The following EMC3 variants were observed in gnomAD, a reference collection of about 807,000 sequenced individuals.
EMC3 encodes 30 kDa protein.
EMC3 carries 13 observed loss-of-function variants against 36.6 expected under a neutral mutation model. That is an observed-to-expected ratio of 0.35 (90% CI 0.23 to 0.56). The LOEUF is 0.56. EMC3 is among the 20% of genes least tolerant of loss of function. The pLI is 0.84. For synonymous variants in EMC3, 120 were observed against 111.9 expected, an observed-to-expected ratio of 1.07 and a Z score of -0.46; for missense variants, 220 against 324.5, an observed-to-expected ratio of 0.68 and a Z score of 2.47.
intron 5 of EMC3, 31 bp downstream of exon 5, chr3:9,973,597 G>C (rs1211777029): frequency 6.3e-7 from 1 of 1,596,294 alleles, no homozygotes; most frequent in East Asian, 2.2e-5. Context: ...AGTGTGGTTT[G>C]TGTTTTTATT....
chr3:10,008,113 C>T lies in EMC3; in HGVS notation c.-242+2910G>A, dbSNP rs191847206. Among the ~76,000 whole-genome samples the T allele has an allele frequency of 5.3e-5, 8 of 152,308 alleles. No individual in the cohort carries two copies. In the East Asian group the frequency reaches 1.4e-3, roughly 26 times the overall value. Reference sequence around the variant, plus strand: ...CCCAGAAAGAGGGCCCCTGTGGGTTCTGCTTGAGCTCCCCAAGGGCCCATC... The same window carrying T: ...CCCAGAAAGAGGGCCCCTGTGGGTTTTGCTTGAGCTCCCCAAGGGCCCATC... On this transcript the variant is annotated intron_variant, in intron 1 of 8. Transcript: ENST00000470827.
intron 1 of EMC3, among the ~76,000 whole-genome samples, chr3:10,005,729 A>G (rs1010642902): frequency 6.6e-6 from 1 of 152,116 alleles, no homozygotes; most frequent in Non-Finnish European, 1.5e-5. Flanking sequence ...ACCCCAAACA[A>G]TCCAGCTCAT....
intron 1 of EMC3, chr3:10,003,533 C>T (rs2086229058): frequency 2.0e-5 from 6 of 299,438 alleles, no homozygotes; most frequent in South Asian, 1.9e-4. Context: ...ACCAGGAGCT[C>T]CAGAACTGTA....
chr3:9,979,093 T>C (rs1362995505), intron 1 of EMC3, among the ~76,000 whole-genome samples: 1 of 152,226 alleles, frequency 6.6e-6, no homozygotes, highest in African/African-American at 2.4e-5. Flanking sequence ...GAATTCTCTC[T>C]GCTTCCTCCT....
chr3:9,986,415 G>A (rs1411970344), intron 1 of EMC3, 92 bp downstream of exon 1: 5 of 1,479,344 alleles, frequency 3.4e-6, no homozygotes, highest in Non-Finnish European at 4.6e-6. Flanking sequence ...GAGGGGGCGC[G>A]ACGTGAACCT....
In EMC3 at chr3:10,000,100, C is replaced by G. The variant is rs139532338; in HGVS notation, c.-242+10923G>C. Among the ~76,000 whole-genome samples the G allele has an allele frequency of 1.1e-3, 171 of 152,004 alleles. 1 individual carries two copies. The East Asian group carries it at 0.029, about 26-fold the overall frequency. On this transcript the variant is annotated intron_variant, in intron 1 of 8. Transcript: ENST00000470827. ...TCATTCTGGCTGGAGTGCAGTGGCG[C>G]GATCTTGGTTCACTGCAATGCACCT...
intron 7 of EMC3, 42 bp from the exon 8 acceptor site, chr3:9,964,239 G>T (rs1178411460): frequency 6.2e-7 from 1 of 1,607,226 alleles, no homozygotes; most frequent in African/African-American, 1.3e-5. Flanking sequence ...AGAGGGAATT[G>T]TTACTGACAG....
intron 1 of EMC3, among the ~76,000 whole-genome samples, chr3:10,009,374 G>A (rs2086300064): frequency 6.6e-6 from 1 of 152,172 alleles, no homozygotes; most frequent in Non-Finnish European, 1.5e-5. Context: ...TCTCACTCCC[G>A]GCCTAGCCAG....
intron 5 of EMC3, among the ~76,000 whole-genome samples, chr3:9,972,776 C>A (rs1327757989): frequency 6.7e-6 from 1 of 149,818 alleles, no homozygotes; most frequent in Admixed American, 6.7e-5. Context: ...AAAAAAAAAA[C>A]CCAAAAAACT....
intron 3 of EMC3, among the ~76,000 whole-genome samples, chr3:9,975,844 T>C (rs1404255126): frequency 6.6e-6 from 1 of 151,738 alleles, no homozygotes; most frequent in Non-Finnish European, 1.5e-5. Flanking sequence ...AAAGATATCT[T>C]GTTTTAATTG....
At chr3:9,981,589 T>TTTTATTTA (rs940061121) in intron 1 of EMC3, 3 of 236,360 alleles carry the variant, frequency 1.3e-5, no homozygotes, top group African/African-American at 4.8e-5. Flanking sequence ...GAAGGACATC[T>TTTTATTTA]TTTATTTATT....
rs147819501 is a variant in EMC3 at position 9,979,659 on chromosome 3, T to C, written c.156-2213A>G. 2.9e-3 allele frequency among the ~76,000 whole-genome samples: 448 copies of C among 152,282 alleles called. 4 individuals are homozygous for C. The highest frequency in any genetic ancestry group is 9.9e-3 in the African/African-American group (413 of 41,578). ...CAAAGTCTAGTGAGGGGGAAAGACA[T>C]TAACCAAATAACCAGAGGAATAAAT... On this transcript the variant is annotated intron_variant, in intron 1 of 7. Coordinates refer to ENST00000245046, the MANE Select transcript of EMC3 (RefSeq NM_001394674.1).
chr3:9,991,892 A>G (rs1374348585), intron 1 of EMC3, among the ~76,000 whole-genome samples: 1 of 152,104 alleles, frequency 6.6e-6, no homozygotes, highest in Non-Finnish European at 1.5e-5. Context: ...AGATTCTCAT[A>G]AGGAATGTGC....
In EMC3 at chr3:9,976,707, C is replaced by T. The variant is rs565346401; in HGVS notation, c.307+250G>A. On this transcript the variant is annotated intron_variant, in intron 3 of 7. Transcript: ENST00000245046. ...AGAGACCCAGGGACAATAGCTCTGG[C>T]CTCCCCACTCCATCAGCTGAGAACT... 2.6e-5 allele frequency among the ~76,000 whole-genome samples: 4 copies of T among 152,232 alleles called. No individual in the cohort carries two copies. The South Asian group carries it at 8.3e-4, about 32-fold the overall frequency.
At chr3:9,988,117 T>C, upstream of EMC3, 1 of 551,642 alleles carries the variant, frequency 1.8e-6, no homozygotes, top group Admixed American at 3.1e-5. Context: ...CAAATAATGG[T>C]ACTATTATGA....
In EMC3 at chr3:9,963,456, T is replaced by TAGATAGATAGATAG. The variant is rs758502481; in HGVS notation, c.*612_*613insCTATCTATCTATCT. The TAGATAGATAGATAG allele has an allele frequency of 3.0e-5, 3 of 100,772 alleles. No homozygotes were observed. The highest frequency in any genetic ancestry group is 4.0e-5 in the African/African-American group (1 of 25,124). 6.2% of individuals were successfully genotyped at this position (100,772 alleles called of 1,614,324 possible). A position where few individuals can be genotyped will look rare whatever the true frequency, so the allele number is the denominator to read the frequency against. On this transcript the variant is annotated 3_prime_UTR_variant, in exon 8 of 8. Transcript: ENST00000245046. ...AAGACTGGGCTTCTGCTAAGATAGA[T>TAGATAGATAGATAG]ATATATATATATATATATATATTTT...
intron 1 of EMC3, among the ~76,000 whole-genome samples, chr3:9,991,988 G>T (rs1307201009): frequency 6.6e-6 from 1 of 152,140 alleles, no homozygotes; most frequent in Non-Finnish European, 1.5e-5. Context: ...ACAGGAGGCG[G>T]ATCTCAGTGG....
intron 6 of EMC3, 118 bp downstream of exon 6, chr3:9,970,464 A>T: frequency 8.6e-7 from 1 of 1,167,162 alleles, no homozygotes; most frequent in Non-Finnish European, 1.3e-6. Context: ...AACTTAAGGA[A>T]GGAAACATTT....
At chr3:9,982,705 G>A (rs1312818048) in intron 1 of EMC3, among the ~76,000 whole-genome samples, 1 of 152,004 alleles carries the variant, frequency 6.6e-6, no homozygotes, top group Admixed American at 6.6e-5. Context: ...CTGGGCAACG[G>A]AGGAGACCCC....
Sources: gnomAD v4.1 joint callset for allele counts (sites outside exome capture counted in the v4.1 genomes callset) on GRCh38, gnomAD v4.1.1 for gene constraint, MANE v1.5 for transcripts, NCBI Gene and HGNC (gene_info 2026-07-23, HGNC 2026-07-21) for gene names.